Variants in ZNF827 observed in about 807,000 individuals in gnomAD.
ZNF827 encodes zinc finger protein 827.
Under a neutral mutation model 102.4 loss-of-function variants are expected in ZNF827, and 13 were observed. The observed-to-expected ratio is 0.13, with a 90% CI of 0.08 to 0.20. The LOEUF is 0.20. ZNF827 is among the 10% of genes least tolerant of loss of function. The probability of loss-of-function intolerance (pLI) is 1.00; values close to 1 mark genes in which losing one functional copy is unlikely to be tolerated. For missense variants in ZNF827, 1,103 were observed against 1,344.4 expected, an observed-to-expected ratio of 0.82 and a Z score of 2.81; for synonymous variants, 523 against 536.2, an observed-to-expected ratio of 0.98 and a Z score of 0.34.
chr4:145,869,887 G>T (rs983889014), intron 5 of ZNF827, among the ~76,000 whole-genome samples: 1 of 152,160 alleles, frequency 6.6e-6, no homozygotes, highest in Non-Finnish European at 1.5e-5. Context: ...CAAAATGCCA[G>T]GTCCTCTATT....
At chr4:145,820,437 A>G (rs2126472547) in intron 8 of ZNF827, among the ~76,000 whole-genome samples, 1 of 152,334 alleles carries the variant, frequency 6.6e-6, no homozygotes, top group South Asian at 2.1e-4. Flanking sequence ...TGCTAAGTAA[A>G]TAAAAGGTAG....
intron 2 of ZNF827, among the ~76,000 whole-genome samples, chr4:145,898,011 C>T (rs1238950031): frequency 3.9e-5 from 6 of 152,006 alleles, no homozygotes; most frequent in Admixed American, 6.6e-5. Flanking sequence ...AAAAATTAGT[C>T]GGGTGTGGTG....
At chr4:145,833,416 G>A (rs1034870494) in intron 7 of ZNF827, among the ~76,000 whole-genome samples, 1 of 152,136 alleles carries the variant, frequency 6.6e-6, no homozygotes, top group Non-Finnish European at 1.5e-5. Flanking sequence ...ACGTTTCAAA[G>A]GTGTCAGACC....
At chr4:145,929,648 T>C (rs1193678308) in intron 1 of ZNF827, among the ~76,000 whole-genome samples, 3 of 151,920 alleles carry the variant, frequency 2.0e-5, no homozygotes, top group Admixed American at 1.3e-4. Flanking sequence ...ATGAGATATA[T>C]TGAGAAAAAA....
intron 11 of ZNF827, among the ~76,000 whole-genome samples, chr4:145,767,585 GC>G (rs1735498218): frequency 6.6e-6 from 1 of 152,140 alleles, no homozygotes; most frequent in Admixed American, 6.5e-5. Flanking sequence ...CAAAATCAGT[GC>G]TAAAGAACAA....
intron 7 of ZNF827, chr4:145,830,342 A>C (rs1744090587): frequency 6.6e-6 from 1 of 152,212 alleles, no homozygotes; most frequent in Admixed American, 6.5e-5. Flanking sequence ...ATAAGGAATA[A>C]AGGAAATCTT....
At chr4:145,921,470 CAAAAAAAAAAAAAA>C (rs35423633) in intron 1 of ZNF827, among the ~76,000 whole-genome samples, 1 of 54,122 alleles carries the variant, frequency 1.8e-5, no homozygotes, top group African/African-American at 7.8e-5. Flanking sequence ...GAGACTCAGG[CAAAAAAAAAAAAAA>C]AAAAAAAAAG....
At chr4:145,894,399 AT>A (rs1159718874) in intron 2 of ZNF827, among the ~76,000 whole-genome samples, 1 of 152,178 alleles carries the variant, frequency 6.6e-6, no homozygotes, top group Non-Finnish European at 1.5e-5. Flanking sequence ...CTTCTGTACT[AT>A]TTGAATTTTT....
intron 8 of ZNF827, among the ~76,000 whole-genome samples, chr4:145,793,298 A>C (rs147424869): frequency 0.025 from 3,074 of 124,386 alleles, 84 homozygotes; most frequent in African/African-American, 0.064. Flanking sequence ...TATGATATAT[A>C]TCTTATATAT....
chr4:145,869,352 C>G (rs868170130), intron 5 of ZNF827, among the ~76,000 whole-genome samples: 3 of 152,214 alleles, frequency 2.0e-5, no homozygotes, highest in African/African-American at 2.4e-5. Flanking sequence ...AGGAGTCTCT[C>G]TAATGCATTT....
At chr4:145,802,142 AT>A (rs939476717) in intron 8 of ZNF827, among the ~76,000 whole-genome samples, 3 of 152,220 alleles carry the variant, frequency 2.0e-5, no homozygotes, top group Non-Finnish European at 4.4e-5. Context: ...GTTCAATTAA[AT>A]GGCTAAATGC....
chr4:145,762,066 G>A lies in ZNF827; in HGVS notation c.*18-468C>T, dbSNP rs374381208. ...CCAAGCACACGCAGAAAGGCTAAGA[G>A]GTTTTAAAGAACAGCTTATAGGGGG... On this transcript the variant is annotated intron_variant, in intron 14 of 14. Coordinates refer to ENST00000508784, the MANE Select transcript of ZNF827 (RefSeq NM_001306215.2). The surrounding 1 kb of genome is among the most constrained non-coding windows in gnomAD (Gnocchi z 4.9). 1.1e-4 allele frequency among the ~76,000 whole-genome samples: 16 copies of A among 152,286 alleles called. No individual in the cohort carries two copies. The East Asian group carries it at 1.7e-3, about 17-fold the overall frequency.
intron 4 of ZNF827, 149 bp from the exon 5 acceptor site, chr4:145,870,627 G>A (rs1748602602): frequency 4.6e-6 from 3 of 650,066 alleles, no homozygotes; most frequent in Admixed American, 2.8e-5. Context: ...TGGGCCCTGG[G>A]CAAAACCACA....
intron 4 of ZNF827, 22 bp downstream of exon 4, chr4:145,885,656 G>GAGA (rs1750058659): frequency 8.2e-7 from 1 of 1,222,802 alleles, no homozygotes; most frequent in Admixed American, 2.6e-5. Context: ...GAGAGAGAGA[G>GAGA]AATACAACCC....
chr4:145,858,917 A>G (rs1284677069), intron 5 of ZNF827, among the ~76,000 whole-genome samples: 2 of 152,226 alleles, frequency 1.3e-5, no homozygotes, highest in African/African-American at 2.4e-5. Flanking sequence ...CAAGTTTAAC[A>G]TGCTTTTCTT....
At chr4:145,812,169 G>C (rs923496577) in intron 8 of ZNF827, among the ~76,000 whole-genome samples, 1 of 150,812 alleles carries the variant, frequency 6.6e-6, no homozygotes, top group Admixed American at 6.6e-5. Context: ...CAGGTGATCC[G>C]CCTGCCTTGG....
intron 3 of ZNF827, among the ~76,000 whole-genome samples, chr4:145,889,829 T>C (rs190788495): frequency 1.3e-5 from 2 of 152,088 alleles, no homozygotes; most frequent in African/African-American, 4.8e-5. Context: ...ATACAAAAAT[T>C]AGCCAGGCGT....
intron 8 of ZNF827, among the ~76,000 whole-genome samples, chr4:145,799,184 T>C (rs1222133254): frequency 6.6e-6 from 1 of 152,212 alleles, no homozygotes; most frequent in Non-Finnish European, 1.5e-5. Context: ...GCAACAAATA[T>C]TGAGATTTAC....
intron 4 of ZNF827, among the ~76,000 whole-genome samples, chr4:145,881,622 C>T (rs1749674744): frequency 6.6e-6 from 1 of 152,212 alleles, no homozygotes; most frequent in Non-Finnish European, 1.5e-5. Flanking sequence ...TGACGACCCT[C>T]CCAGTTCCTT....
Sources: allele counts gnomAD v4.1 joint callset (sites outside exome capture counted in the v4.1 genomes callset), GRCh38; gene constraint gnomAD v4.1.1; non-coding constraint Gnocchi (gnomAD v3.1); transcripts MANE v1.5; gene names NCBI Gene and HGNC (gene_info 2026-07-23, HGNC 2026-07-21).